NBPF26: variants seen among roughly 807,000 people sequenced by gnomAD.
NBPF26 encodes the protein NBPF family member NBPF26.
Under a neutral mutation model 119.6 loss-of-function variants are expected in NBPF26, and 79 were observed. The ratio of observed to expected loss-of-function variants is 0.66; its 90% CI spans 0.55 to 0.80. The LOEUF (loss-of-function observed/expected upper bound fraction) is 0.80, where lower values mean the gene tolerates loss of function less well. Ranked by LOEUF, NBPF26 falls within the 30% of genes least tolerant of loss-of-function variation. The pLI is 0.00. For synonymous variants in NBPF26, 299 were observed against 457.7 expected (o/e 0.65, Z 4.43); for missense variants, 800 against 1,198.2 (o/e 0.67, Z 4.91).
chr1:120,816,648 A>G, exon 14 of NBPF26: 1 of 1,113,462 alleles, frequency 9.0e-7, no homozygotes, highest in East Asian at 2.4e-5. Flanking sequence ...GAAGAAAAGG[A>G]AGTCCCTGAG....
chr1:120,766,649 C>T lies in NBPF26; in HGVS notation c.155+2940C>T, dbSNP rs1303651209. On this transcript the variant is annotated intron_variant, in intron 2 of 29. Transcript: ENST00000620612. ...TGAGCGACAGAGCGAGACTGTGTTT[C>T]CAAAAAAAAAAAAAAAAAAAGAAAA... 1.1e-4 allele frequency among the ~76,000 whole-genome samples: 2 copies of T among 18,938 alleles called. 1 individual carries two copies. The highest frequency in any genetic ancestry group is 1.8e-4 in the Non-Finnish European group (2 of 11,322). 12.4% of individuals were successfully genotyped at this position (18,938 alleles called of 152,430 possible).
rs1553273595 is a variant in NBPF26 at position 120,840,616 on chromosome 1, G to T, written c.*23G>T. On this transcript the variant is annotated 3_prime_UTR_variant, in exon 30 of 30. Coordinates refer to ENST00000620612, the Ensembl canonical transcript of NBPF26. ...TAAGCAGCCCTTACTAAGCCGAGAGGTGTCATTCCTGCAGGCAGGACCTAT... is the reference window on the plus strand; with the variant it reads ...TAAGCAGCCCTTACTAAGCCGAGAGTTGTCATTCCTGCAGGCAGGACCTAT... 5.0e-5 allele frequency: 72 copies of T among 1,453,838 alleles called. 20 individuals carry two copies. The highest frequency in any genetic ancestry group is 2.4e-4 in the Middle Eastern group (1 of 4,140). 90.1% of individuals were successfully genotyped at this position (1,453,838 alleles called of 1,614,324 possible).
Position 120,812,270 on chromosome 1 carries a change from T to C in NBPF26, c.1774+175T>C, listed in dbSNP as rs1325113540. ...TGGAAGACAGAGGTACCAAAGTATT[T>C]AGCAACTTTCCATGTTTGCAATCAG... On this transcript the variant is annotated intron_variant, in intron 10 of 29. Transcript: ENST00000620612. Among the ~76,000 whole-genome samples, 14 of 100,216 alleles carry C rather than the reference T, an allele frequency of 1.4e-4. 2 individuals are homozygous for C. Among genetic ancestry groups the C allele is most frequent in the African/African-American group, 8.7e-4 (14 of 16,050 alleles). The allele number at this position is 100,216 out of a possible 152,430, so 65.7% of individuals were successfully genotyped here. A position where few individuals can be genotyped will look rare whatever the true frequency, so the allele number is the denominator to read the frequency against.
At chr1:120,832,710 A>G (rs1187022739) in intron 22 of NBPF26, among the ~76,000 whole-genome samples, 165 bp from the exon 27 acceptor site, 2 of 119,948 alleles carry the variant, frequency 1.7e-5, no homozygotes, top group Non-Finnish European at 3.2e-5. Context: ...AAAACCGAGG[A>G]ATTTCTATCA....
intron 2 of NBPF26, among the ~76,000 whole-genome samples, chr1:120,767,836 A>G (rs1466984906): frequency 0.021 from 2,339 of 111,416 alleles, 479 homozygotes; most frequent in Middle Eastern, 0.063. Flanking sequence ...AGGTTAGGTT[A>G]TGATTTGTAT....
At chr1:120,752,575 C>CT (rs1328418490) in intron 1 of NBPF26, among the ~76,000 whole-genome samples, 6 of 15,180 alleles carry the variant, frequency 4.0e-4, no homozygotes, top group Non-Finnish European at 4.7e-4. Context: ...TTTTTTTTTT[C>CT]TTTTTTTTTT....
chr1:120,793,109 G>A lies in NBPF26; in HGVS notation c.416-52G>A, dbSNP rs1465004418. On this transcript the variant is annotated intron_variant, in intron 3 of 29. Transcript: ENST00000620612. ...GATGTCAATGAGGTATTGAGGATGG[G>A]GCCATCTCCTATTTCTGTGGCCAGT... The A allele has an allele frequency of 3.2e-5, 25 of 777,498 alleles. 3 individuals are homozygous for A. The highest frequency in any genetic ancestry group is 4.9e-5 in the African/African-American group (1 of 20,598). The allele number at this position is 777,498 out of a possible 1,614,324, so 48.2% of individuals were successfully genotyped here.
intron 8 of NBPF26, 87 bp from the exon 9 acceptor site, chr1:120,810,260 C>T (rs1651826805): frequency 7.0e-6 from 10 of 1,431,116 alleles, no homozygotes; most frequent in East Asian, 2.3e-5. Flanking sequence ...TCTCTTAATG[C>T]CGCCTGTCAA....
intron 2 of NBPF26, among the ~76,000 whole-genome samples, chr1:120,784,016 A>G (rs1179672601): frequency 8.8e-6 from 1 of 113,356 alleles, no homozygotes; most frequent in East Asian, 2.2e-4. Context: ...GGGATAAGTA[A>G]GAAGTAGATG....
At chr1:120,769,256 T>TTGTGG (rs1224813433) in intron 2 of NBPF26, among the ~76,000 whole-genome samples, 2 of 151,706 alleles carry the variant, frequency 1.3e-5, no homozygotes, top group Non-Finnish European at 2.9e-5. Flanking sequence ...AATGGTTCTG[T>TTGTGG]TGTGGTGCTT....
rs1367182982 is a variant in NBPF26 at position 120,761,175 on chromosome 1, G to C, written c.74-2453G>C. Among the ~76,000 whole-genome samples, 3 of 126,456 alleles carry C rather than the reference G, an allele frequency of 2.4e-5. No individual in the cohort carries two copies. In the South Asian group the frequency reaches 7.2e-4, roughly 30 times the overall value. 83.0% of individuals were successfully genotyped at this position (126,456 alleles called of 152,430 possible). On this transcript the variant is annotated intron_variant, in intron 1 of 29. Coordinates refer to ENST00000620612, the Ensembl canonical transcript of NBPF26. ...GCTACATATTGACTTTGGGTTGCTT[G>C]TATTTCTCTGAACCTGTCACTGTAA...
intron 14 of NBPF26, among the ~76,000 whole-genome samples, chr1:120,817,415 A>ATTTTTTTT: frequency 1.8e-3 from 2 of 1,098 alleles, no homozygotes; most frequent in Non-Finnish European, 1.5e-3. Context: ...AGCATCGTGG[A>ATTTTTTTT]TTTTTTTTTT....
At position 120,804,728 on chromosome 1, in the gene NBPF26, A is replaced by C. The variant is rs1382304050; in HGVS notation, c.752-828A>C. ...TAGAGGAAGAGCTTTGGACGTAGGG[A>C]TGTCAAACTGGTCTAGAATGTAATG... On this transcript the variant is annotated intron_variant, in intron 4 of 29. Transcript: ENST00000620612. Among the ~76,000 whole-genome samples, 3 of 117,570 alleles carry C rather than the reference A, an allele frequency of 2.6e-5. 1 individual carries two copies. The highest frequency in any genetic ancestry group is 1.5e-4 in the African/African-American group (3 of 20,458). 77.1% of individuals were successfully genotyped at this position (117,570 alleles called of 152,430 possible).
At chr1:120,823,595 C>A (rs1472481337) in intron 17 of NBPF26, among the ~76,000 whole-genome samples, 2 of 123,800 alleles carry the variant, frequency 1.6e-5, no homozygotes, top group East Asian at 4.0e-4. Context: ...GCTGTATTCT[C>A]ATGGTAACTG....
chr1:120,724,014 C>T (rs1221069298), exon 1 of NBPF26: 2 of 1,232,960 alleles, frequency 1.6e-6, no homozygotes, highest in Non-Finnish European at 1.0e-6. Flanking sequence ...GGAGTCGAGG[C>T]ATTTGCACCT....
exon 30 of NBPF26, chr1:120,840,394 A>T: frequency 6.8e-7 from 1 of 1,464,104 alleles, no homozygotes; most frequent in Non-Finnish European, 9.2e-7. Flanking sequence ...GAAGTCTTGC[A>T]GGACTCACTG....
rs1171756806 is a variant in NBPF26, at chr1:120,776,299, TAA to T, written c.156-8674_156-8673del. ...AGGAAATAACATTTAAGTTGAGACT[TAA>T]TGAAATTTTAGGGCTTAGCCATGAG... is the stretch of plus-strand genomic sequence containing the variant. On this transcript the variant is annotated intron_variant, in intron 2 of 29. Coordinates refer to ENST00000620612, the Ensembl canonical transcript of NBPF26. Among the ~76,000 whole-genome samples the T allele has an allele frequency of 1.9e-5, 2 of 106,710 alleles. 1 individual carries two copies. Among genetic ancestry groups the T allele is most frequent in the Non-Finnish European group, 3.5e-5 (2 of 57,330 alleles). The allele number at this position is 106,710 out of a possible 152,430, so 70.0% of individuals were successfully genotyped here. A position where few individuals can be genotyped will look rare whatever the true frequency, so the allele number is the denominator to read the frequency against.
intron 1 of NBPF26, among the ~76,000 whole-genome samples, chr1:120,743,875 G>T: frequency 8.4e-6 from 1 of 119,308 alleles, no homozygotes; most frequent in South Asian, 2.5e-4. Flanking sequence ...ATATTAGAGT[G>T]GTTGTTTCAG....
At chr1:120,788,071 G>A (rs1178911449) in intron 3 of NBPF26, among the ~76,000 whole-genome samples, 3 of 66,582 alleles carry the variant, frequency 4.5e-5, no homozygotes, top group Middle Eastern at 6.0e-3. Flanking sequence ...TCATCCAGGC[G>A]GGACCATTTG....
Sources: gnomAD v4.1 joint callset for allele counts (sites outside exome capture counted in the v4.1 genomes callset) on GRCh38, gnomAD v4.1.1 for gene constraint, MANE v1.5 for transcripts, NCBI Gene and HGNC (gene_info 2026-07-23, HGNC 2026-07-21) for gene names.